FAM168A: variants seen among roughly 807,000 people sequenced by gnomAD.
The protein encoded by FAM168A is family with sequence similarity 168 member A.
FAM168A carries 3 observed loss-of-function variants against 28.5 expected under a neutral mutation model. The ratio of observed to expected loss-of-function variants is 0.11; its 90% confidence interval spans 0.05 to 0.27. FAM168A has a LOEUF of 0.27. Ranked by LOEUF, FAM168A falls within the 10% of genes least tolerant of loss-of-function variation. The pLI, the probability that FAM168A is intolerant of heterozygous loss-of-function variation, is 1.00. For missense variants in FAM168A, 222 were observed against 311.5 expected, an observed-to-expected ratio of 0.71 and a Z score of 2.16; for synonymous variants, 122 against 124.2, an observed-to-expected ratio of 0.98 and a Z score of 0.12.
At chr11:73,416,818 T>C (rs920206322) in intron 4 of FAM168A, among the ~76,000 whole-genome samples, 4 of 152,138 alleles carry the variant, frequency 2.6e-5, no homozygotes, top group Non-Finnish European at 5.9e-5. Flanking sequence ...TGGTTTTGCA[T>C]GCCTGTGGTC....
intron 1 of FAM168A, among the ~76,000 whole-genome samples, chr11:73,482,642 T>C (rs1867983260): frequency 6.6e-6 from 1 of 152,026 alleles, no homozygotes; most frequent in South Asian, 2.1e-4. Flanking sequence ...AGCACGTTTA[T>C]AGCATGCAAA....
At chr11:73,547,532 C>T (rs930313093) in intron 1 of FAM168A, among the ~76,000 whole-genome samples, 9 of 152,038 alleles carry the variant, frequency 5.9e-5, no homozygotes, top group Non-Finnish European at 1.0e-4. Context: ...TGTGCTGATG[C>T]ACACCTGTAG....
chr11:73,574,406 A>C (rs1261054085), intron 1 of FAM168A, among the ~76,000 whole-genome samples: 1 of 152,126 alleles, frequency 6.6e-6, no homozygotes, highest in Non-Finnish European at 1.5e-5. Flanking sequence ...CCACATATGC[A>C]CTCACTCTCT....
At chr11:73,424,032 A>G (rs1460370534) in intron 3 of FAM168A, among the ~76,000 whole-genome samples, 1 of 152,226 alleles carries the variant, frequency 6.6e-6, no homozygotes, top group Non-Finnish European at 1.5e-5. Flanking sequence ...ACAGGTCTGC[A>G]ACTAACAAAA....
chr11:73,457,035 GAATA>G (rs1459614706), intron 2 of FAM168A, among the ~76,000 whole-genome samples: 2 of 152,164 alleles, frequency 1.3e-5, no homozygotes, highest in Admixed American at 6.5e-5. Flanking sequence ...ACAGATGAAT[GAATA>G]AATAAATATT....
intron 1 of FAM168A, among the ~76,000 whole-genome samples, chr11:73,508,530 C>G (rs1216107955): frequency 2.0e-5 from 3 of 152,048 alleles, no homozygotes; most frequent in Non-Finnish European, 4.4e-5. Flanking sequence ...TCTAGCCCTG[C>G]AGGTAGGTGC....
intron 1 of FAM168A, among the ~76,000 whole-genome samples, chr11:73,583,260 G>A (rs549898328): frequency 5.5e-4 from 84 of 152,166 alleles, no homozygotes; most frequent in Admixed American, 2.0e-3. Flanking sequence ...CCGAGATCAC[G>A]CCACTGCACT....
chr11:73,515,521 A>AAAAAG (rs1281695050), intron 1 of FAM168A, among the ~76,000 whole-genome samples: 2 of 151,588 alleles, frequency 1.3e-5, no homozygotes, highest in East Asian at 3.9e-4. Flanking sequence ...AAAAAAAAAA[A>AAAAAG]AAAAGAAAAG....
At chr11:73,558,594 C>T (rs1452611921) in intron 1 of FAM168A, among the ~76,000 whole-genome samples, 1 of 132,362 alleles carries the variant, frequency 7.6e-6, no homozygotes, top group Non-Finnish European at 1.6e-5. Flanking sequence ...AATTCAACAA[C>T]AAAAAGGCAA....
chr11:73,556,114 G>A (rs1276126382), intron 1 of FAM168A, among the ~76,000 whole-genome samples: 3 of 151,862 alleles, frequency 2.0e-5, no homozygotes, highest in Non-Finnish European at 4.4e-5. Flanking sequence ...GGAAGCAGAC[G>A]CAGGAGGATC....
intron 1 of FAM168A, among the ~76,000 whole-genome samples, chr11:73,542,571 C>T (rs959800255): frequency 2.0e-5 from 3 of 152,188 alleles, no homozygotes; most frequent in African/African-American, 7.2e-5. Context: ...TCTATCCTTG[C>T]CATCTGCTTA....
intron 3 of FAM168A, among the ~76,000 whole-genome samples, chr11:73,424,603 T>A (rs1866851375): frequency 6.6e-6 from 1 of 152,192 alleles, no homozygotes; most frequent in African/African-American, 2.4e-5. Context: ...CATGTCAGAC[T>A]GCCGATGGAG....
intron 1 of FAM168A, among the ~76,000 whole-genome samples, chr11:73,594,903 C>T (rs964447527): frequency 6.6e-6 from 1 of 152,184 alleles, no homozygotes; most frequent in East Asian, 1.9e-4. Context: ...GAATCTGGGA[C>T]TCAACTCCTA....
intron 2 of FAM168A, among the ~76,000 whole-genome samples, chr11:73,452,911 A>G (rs1867459072): frequency 6.6e-6 from 1 of 152,304 alleles, no homozygotes; most frequent in South Asian, 2.1e-4. Context: ...AAAAAAAAGT[A>G]CTGAATAAAT....
chr11:73,496,773 G>A (rs1291541605), intron 1 of FAM168A, among the ~76,000 whole-genome samples: 1 of 151,900 alleles, frequency 6.6e-6, no homozygotes, highest in Non-Finnish European at 1.5e-5. Context: ...TGTTAGCCAG[G>A]ATGGTCTTGA....
chr11:73,454,863 T>G (rs747424018), intron 2 of FAM168A, among the ~76,000 whole-genome samples: 10 of 152,190 alleles, frequency 6.6e-5, no homozygotes, highest in Non-Finnish European at 1.3e-4. Context: ...TGAGAGCCAC[T>G]TTCATCGGCA....
At chr11:73,529,685 T>A (rs1467142248) in intron 1 of FAM168A, among the ~76,000 whole-genome samples, 2 of 152,188 alleles carry the variant, frequency 1.3e-5, no homozygotes, top group Non-Finnish European at 1.5e-5. Context: ...AGGATGCCTA[T>A]TCCAGTGGTC....
chr11:73,450,348 T>G (rs965362571), intron 2 of FAM168A, among the ~76,000 whole-genome samples: 2 of 152,226 alleles, frequency 1.3e-5, no homozygotes, highest in African/African-American at 2.4e-5. Context: ...GATAGGTCCA[T>G]TAGAATCATC....
At chr11:73,498,982 C>A (rs1854947520) in intron 1 of FAM168A, among the ~76,000 whole-genome samples, 1 of 152,298 alleles carries the variant, frequency 6.6e-6, no homozygotes, top group East Asian at 1.9e-4. Context: ...GGTATCCCCC[C>A]AGCGGAACAC....
Sources: gnomAD v4.1 joint callset for allele counts (sites outside exome capture counted in the v4.1 genomes callset) on GRCh38, gnomAD v4.1.1 for gene constraint, MANE v1.5 for transcripts, NCBI Gene and HGNC (gene_info 2026-07-23, HGNC 2026-07-21) for gene names.